The following MYT1L variants were observed in gnomAD, a reference collection of about 807,000 sequenced individuals.
The protein encoded by MYT1L is myelin transcription factor 1-like protein.
A neutral mutation model predicts 126.7 loss-of-function variants in MYT1L; 12 were observed. The ratio of observed to expected loss-of-function variants is 0.09; its 90% CI spans 0.06 to 0.15. The LOEUF (loss-of-function observed/expected upper bound fraction) is 0.15, where lower values mean the gene tolerates loss of function less well. MYT1L is among the 10% of genes least tolerant of loss of function. The pLI is 1.00. For missense variants in MYT1L, 979 were observed against 1,585.2 expected (o/e 0.62, Z 6.49); for synonymous variants, 541 against 604.2 (o/e 0.90, Z 1.53).
chr2:2,261,169 A>C (rs952003614), intron 2 of MYT1L, among the ~76,000 whole-genome samples: 1 of 140,460 alleles, frequency 7.1e-6, no homozygotes, highest in Non-Finnish European at 1.6e-5. Context: ...GTGTGTGTGT[A>C]TGTGTTTCCA....
At chr2:2,164,262 C>A (rs1024250266) in intron 3 of MYT1L, among the ~76,000 whole-genome samples, 2 of 151,774 alleles carry the variant, frequency 1.3e-5, no homozygotes, top group Admixed American at 1.3e-4. Context: ...TCTTCTGAAC[C>A]CTCTTCCTCT....
rs892713593 is a variant in MYT1L at position 1,912,435 on chromosome 2, G to A, written c.1619-325C>T. ...CTGGAGCCAGGAGCTGGGGAGTTCAGAGAACACAGAACTGACTCTTTCCTG... is the reference window on the plus strand; with the variant it reads ...CTGGAGCCAGGAGCTGGGGAGTTCAAAGAACACAGAACTGACTCTTTCCTG... On this transcript the variant is annotated intron_variant, in intron 11 of 24. Transcript: ENST00000647738. The surrounding 1 kb of genome is among the most constrained non-coding windows in gnomAD (Gnocchi z 4.3). Among the ~76,000 whole-genome samples, 3 of 152,174 alleles carry A rather than the reference G, an allele frequency of 2.0e-5. No individual in the cohort carries two copies. The highest frequency in any genetic ancestry group is 2.9e-5 in the Non-Finnish European group (2 of 68,016).
chr2:1,974,791 A>G (rs1022319386), intron 8 of MYT1L: 6 of 152,282 alleles, frequency 3.9e-5, no homozygotes, highest in South Asian at 4.2e-4. Flanking sequence ...GTAACACCAC[A>G]TTAAGACCCC....
chr2:2,097,991 G>T (rs1490782274), intron 3 of MYT1L, among the ~76,000 whole-genome samples: 2 of 152,104 alleles, frequency 1.3e-5, no homozygotes, highest in African/African-American at 4.8e-5. Context: ...TTGCCCTCTT[G>T]CTTCCACTCT....
At chr2:2,230,907 T>C (rs186856732) in intron 2 of MYT1L, among the ~76,000 whole-genome samples, 1 of 146,614 alleles carries the variant, frequency 6.8e-6, no homozygotes, top group African/African-American at 2.5e-5. Context: ...GCCCTGAGCC[T>C]GGACAGGAGT....
At position 1,917,404 on chromosome 2, in the gene MYT1L, C is replaced by T; in HGVS notation, c.1484-65G>A. 6.5e-7 allele frequency: 1 copy of T among 1,529,494 alleles called. No individual in the cohort carries two copies. The highest frequency in any genetic ancestry group is 8.9e-7 in the Non-Finnish European group (1 of 1,127,852). 94.7% of individuals were successfully genotyped at this position (1,529,494 alleles called of 1,614,324 possible). A position where few individuals can be genotyped will look rare whatever the true frequency, so the allele number is the denominator to read the frequency against. On this transcript the variant is annotated intron_variant, in intron 10 of 24. Transcript: ENST00000647738. The surrounding 1 kb of genome is among the most constrained non-coding windows in gnomAD (Gnocchi z 5.9). ...CAATCAAAGACAAATGTGATTATTTCACAATCTGAAGAAACCTTGCTAAAG... is the reference window on the plus strand; with the variant it reads ...CAATCAAAGACAAATGTGATTATTTTACAATCTGAAGAAACCTTGCTAAAG...
intron 21 of MYT1L, among the ~76,000 whole-genome samples, chr2:1,829,711 T>G (rs2039871173): frequency 8.3e-6 from 1 of 120,594 alleles, no homozygotes; most frequent in Admixed American, 7.5e-5. Flanking sequence ...GAATTGACCC[T>G]CCCATACACC....
At chr2:2,295,793 G>GAC (rs1553630944) in intron 1 of MYT1L, among the ~76,000 whole-genome samples, 22,844 of 131,908 alleles carry the variant, frequency 0.17, 2,721 homozygotes, top group South Asian at 0.27. Flanking sequence ...GAGACAGACA[G>GAC]AGAGAGAGAG....
Position 2,323,920 on chromosome 2 carries a change from C to T in MYT1L, c.-521+7047G>A, listed in dbSNP as rs200215303. ...CAACATTTGCTAATTTTGCTGGTCT[C>T]GATGCACGGTTTCAGAAAATATTAA... is the stretch of plus-strand genomic sequence containing the variant. On this transcript the variant is annotated intron_variant, in intron 1 of 24. Coordinates refer to ENST00000647738, the MANE Select transcript of MYT1L (RefSeq NM_001303052.2). The T allele has an allele frequency of 3.3e-5, 5 of 152,144 alleles. No individual in the cohort carries two copies. In the East Asian group the frequency reaches 9.6e-4, roughly 29 times the overall value. The allele number at this position is 152,144 out of a possible 1,614,324, so 9.4% of individuals were successfully genotyped here. A position where few individuals can be genotyped will look rare whatever the true frequency, so the allele number is the denominator to read the frequency against.
chr2:2,003,965 T>C (rs2062703221), intron 4 of MYT1L, among the ~76,000 whole-genome samples: 1 of 151,352 alleles, frequency 6.6e-6, no homozygotes, highest in South Asian at 2.1e-4. Context: ...ATGCGTTCTT[T>C]CCTGCAGGCA....
At chr2:2,121,619 TG>T (rs1270263259) in intron 3 of MYT1L, among the ~76,000 whole-genome samples, 1 of 152,044 alleles carries the variant, frequency 6.6e-6, no homozygotes, top group East Asian at 1.9e-4. Context: ...CCTGAGTAGC[TG>T]GGATTACAGG....
At chr2:1,906,240 T>C (rs1266839618) in intron 13 of MYT1L, among the ~76,000 whole-genome samples, 1 of 152,224 alleles carries the variant, frequency 6.6e-6, no homozygotes, top group African/African-American at 2.4e-5. Flanking sequence ...TCTTACACTT[T>C]TACATATTTT....
rs150670393 is a variant in MYT1L, at chr2:1,812,033, T to C, written c.3081-2866A>G. Among the ~76,000 whole-genome samples, 607 of 152,356 alleles carry C rather than the reference T, an allele frequency of 4.0e-3. 1 individual carries two copies. The highest frequency in any genetic ancestry group is 6.5e-3 in the Non-Finnish European group (441 of 68,028). ...TCTCCTAAAATAGGATGCTTGGATG[T>C]TAACGCCACTTTTCCCCTTCCTGCC... On this transcript the variant is annotated intron_variant, in intron 21 of 24. Transcript: ENST00000647738.
chr2:2,304,552 A>G (rs1282776278), intron 1 of MYT1L, among the ~76,000 whole-genome samples: 3 of 152,110 alleles, frequency 2.0e-5, no homozygotes, highest in African/African-American at 7.2e-5. Flanking sequence ...TTTCTTCCTT[A>G]ATCTTTTAAT....
chr2:2,229,428 T>C (rs1477273770), intron 2 of MYT1L, among the ~76,000 whole-genome samples: 1 of 152,010 alleles, frequency 6.6e-6, no homozygotes, highest in Non-Finnish European at 1.5e-5. Flanking sequence ...GATAGTCTCA[T>C]AGGATTTCTT....
rs142428815 is a variant in MYT1L at position 1,809,001 on chromosome 2, G to A, written c.3172+75C>T. 1.1e-5 allele frequency: 14 copies of A among 1,293,932 alleles called. No individual in the cohort carries two copies. In the African/African-American group the frequency reaches 1.3e-4, roughly 12 times the overall value. 80.2% of individuals were successfully genotyped at this position (1,293,932 alleles called of 1,614,324 possible). ...GAAAAGTGAGCTGTAACTGTCAAAGGACACACAGCTGGCATGGCCGTGCCC... is the reference window on the plus strand; with the variant it reads ...GAAAAGTGAGCTGTAACTGTCAAAGAACACACAGCTGGCATGGCCGTGCCC... On this transcript the variant is annotated intron_variant, in intron 22 of 24. Transcript: ENST00000647738.
chr2:1,922,812 A>G lies in MYT1L; in HGVS notation c.957T>C (p.Asp319=). 2 of 1,613,818 alleles carry G rather than the reference A, an allele frequency of 1.2e-6. No individual in the cohort carries two copies. The highest frequency in any genetic ancestry group is 8.5e-7 in the Non-Finnish European group (1 of 1,179,854). The part of the protein sequence containing the change: ...GLMEKMVEES[D]EEVCLSSLEC... ...CCAGACTGCTCAGACACACCTCCTC[A>G]TCGCTCTCCTCCACCATCTTTTCCA... The change falls in exon 10 of 25, where the codon GAT becomes GAC. Residue 319 remains aspartate, a synonymous_variant. Coordinates refer to ENST00000647738, the MANE Select transcript of MYT1L (RefSeq NM_001303052.2). The surrounding 1 kb of genome is among the most constrained non-coding windows in gnomAD (Gnocchi z 7.4).
chr2:2,013,902 T>C (rs1274418116), intron 4 of MYT1L, among the ~76,000 whole-genome samples: 1 of 152,106 alleles, frequency 6.6e-6, no homozygotes, highest in African/African-American at 2.4e-5. Flanking sequence ...ATAGGTGGAG[T>C]CCTTCCCACA....
At chr2:2,244,159 C>T (rs1013851150) in intron 2 of MYT1L, among the ~76,000 whole-genome samples, 1 of 152,168 alleles carries the variant, frequency 6.6e-6, no homozygotes, top group South Asian at 2.1e-4. Flanking sequence ...ACTACACACA[C>T]CTGCTTTTAT....
Sources: allele counts gnomAD v4.1 joint callset (sites outside exome capture counted in the v4.1 genomes callset), GRCh38; gene constraint gnomAD v4.1.1; non-coding constraint Gnocchi (gnomAD v3.1); transcripts MANE v1.5; gene names NCBI Gene and HGNC (gene_info 2026-07-23, HGNC 2026-07-21).